The following GREB1L variants were observed in gnomAD, a reference collection of about 807,000 sequenced individuals.
GREB1L encodes the protein GREB1 like retinoic acid receptor coactivator, also known as GREB1-like protein.
In GREB1L, 17 loss-of-function variants were observed where a neutral mutation model predicts 200.8. The observed-to-expected ratio is 0.08, with a 90% CI of 0.06 to 0.13. The LOEUF is 0.13. Among genes scored for constraint, GREB1L ranks in the 10% least tolerant of loss-of-function variants. GREB1L has a pLI of 1.00. For missense variants in GREB1L, 1,657 were observed against 2,367.7 expected (o/e 0.70, Z 6.23); for synonymous variants, 789 against 893.0 (o/e 0.88, Z 2.08).
intron 27 of GREB1L, among the ~76,000 whole-genome samples, chr18:21,512,999 TACTG>T (rs886822892): frequency 1.3e-5 from 2 of 152,182 alleles, no homozygotes; most frequent in Admixed American, 6.5e-5. Flanking sequence ...TTTGGCTGAT[TACTG>T]ACTATCATCT....
At chr18:21,291,092 C>G (rs922753980) in intron 1 of GREB1L, among the ~76,000 whole-genome samples, 1 of 152,122 alleles carries the variant, frequency 6.6e-6, no homozygotes, top group Non-Finnish European at 1.5e-5. Flanking sequence ...GGCCAATATT[C>G]TATCATGTTC....
In GREB1L at chr18:21,444,240, C is replaced by A; in HGVS notation, c.1224C>A (p.Pro408=). 1 of 1,551,040 alleles carries A rather than the reference C, an allele frequency of 6.4e-7. No individual in the cohort carries two copies. Among genetic ancestry groups the A allele is most frequent in the South Asian group, 1.2e-5 (1 of 84,002 alleles). ...PVILIGYGTL[P]YFYGNVGDIV... is the part of the protein sequence containing the mutation. Reference sequence around the variant, plus strand: ...TTGGGACAGGCTATGGCACTTTACCCTATTTCTATGGAAATGTTGGTGACA... The same window carrying A: ...TTGGGACAGGCTATGGCACTTTACCATATTTCTATGGAAATGTTGGTGACA... The change falls in exon 11 of 33, where the codon CCC becomes CCA. Residue 408 remains proline (P), a synonymous_variant. Transcript: ENST00000424526.
intron 7 of GREB1L, among the ~76,000 whole-genome samples, chr18:21,434,527 G>GTGTATATATATA: frequency 7.2e-6 from 1 of 138,772 alleles, no homozygotes; most frequent in South Asian, 2.3e-4. Flanking sequence ...GTGTGTGTGT[G>GTGTATATATATA]TGTGTATATA....
chr18:21,476,112 A>G (rs1282896231), intron 16 of GREB1L, among the ~76,000 whole-genome samples: 1 of 151,852 alleles, frequency 6.6e-6, no homozygotes, highest in South Asian at 2.1e-4. Context: ...GGGGTGGCAA[A>G]TAGTCATCGT....
intron 15 of GREB1L, among the ~76,000 whole-genome samples, chr18:21,457,213 T>C (rs766047802): frequency 1.3e-5 from 2 of 152,118 alleles, no homozygotes; most frequent in Non-Finnish European, 2.9e-5. Flanking sequence ...TAAAGTGTTT[T>C]AAGATTATCA....
At chr18:21,396,923 A>G (rs908836971) in intron 5 of GREB1L, among the ~76,000 whole-genome samples, 19 of 152,222 alleles carry the variant, frequency 1.2e-4, no homozygotes, top group Admixed American at 4.6e-4. Context: ...TTGTCTTACT[A>G]TAGATGAAAT....
At chr18:21,372,552 G>T (rs1763098633) in intron 2 of GREB1L, among the ~76,000 whole-genome samples, 1 of 152,046 alleles carries the variant, frequency 6.6e-6, no homozygotes. Context: ...TTTATGTGTG[G>T]CTCAGAACAA....
chr18:21,423,319 C>CT (rs1211944823), intron 7 of GREB1L, among the ~76,000 whole-genome samples: 4 of 152,134 alleles, frequency 2.6e-5, no homozygotes, highest in African/African-American at 4.8e-5. Flanking sequence ...CCTATAAACT[C>CT]TAAGTTCATA....
intron 14 of GREB1L, 183 bp downstream of exon 14, chr18:21,452,400 C>CT: frequency 1.8e-6 from 1 of 564,024 alleles, no homozygotes; most frequent in East Asian, 3.1e-5. Flanking sequence ...GGATCAAAGG[C>CT]TTTGTTCCTA....
intron 15 of GREB1L, among the ~76,000 whole-genome samples, chr18:21,470,910 G>A (rs370384991): frequency 6.6e-6 from 1 of 151,978 alleles, no homozygotes; most frequent in Non-Finnish European, 1.5e-5. Context: ...AAAAATAAAA[G>A]CAAGTCTATA....
rs1046606592 is a variant in GREB1L, at chr18:21,525,769, A to G, written c.*2948A>G. ...ATGCTGTTATTGTAGTATGAATTAT[A>G]TCTTCTTAAAAAATTTTACCAACTT... On this transcript the variant is annotated 3_prime_UTR_variant, in exon 33 of 33. Coordinates refer to ENST00000424526, the MANE Select transcript of GREB1L (RefSeq NM_001142966.3). Among the ~76,000 whole-genome samples the G allele has an allele frequency of 6.6e-6, 1 of 152,222 alleles. No homozygotes were observed. Among genetic ancestry groups the G allele is most frequent in the Non-Finnish European group, 1.5e-5 (1 of 68,030 alleles).
At chr18:21,321,803 A>G (rs2038956097) in intron 1 of GREB1L, among the ~76,000 whole-genome samples, 1 of 152,364 alleles carries the variant, frequency 6.6e-6, no homozygotes, top group African/African-American at 2.4e-5. Flanking sequence ...CGTTATCTCC[A>G]TAGATGTCAA....
intron 1 of GREB1L, among the ~76,000 whole-genome samples, chr18:21,260,806 G>A (rs923978422): frequency 1.3e-5 from 2 of 151,896 alleles, no homozygotes; most frequent in African/African-American, 4.8e-5. Context: ...CTGCCATTGT[G>A]TGTGTTTCAT....
At chr18:21,411,256 G>A (rs2030968073) in intron 7 of GREB1L, among the ~76,000 whole-genome samples, 1 of 151,824 alleles carries the variant, frequency 6.6e-6, no homozygotes, top group Non-Finnish European at 1.5e-5. Flanking sequence ...GCCCAGGCTG[G>A]AGTGCAGTGG....
chr18:21,388,268 T>G (rs192901656), intron 4 of GREB1L, among the ~76,000 whole-genome samples: 17 of 152,296 alleles, frequency 1.1e-4, no homozygotes, highest in African/African-American at 4.1e-4. Flanking sequence ...ATTTTATTTT[T>G]GAAGAACAGC....
intron 2 of GREB1L, among the ~76,000 whole-genome samples, chr18:21,372,218 G>A (rs1441548959): frequency 1.3e-4 from 19 of 149,270 alleles, no homozygotes; most frequent in Admixed American, 1.2e-3. Context: ...GCATGATCTC[G>A]GCTCACTGCA....
chr18:21,483,968 T>G (rs1404434927), intron 17 of GREB1L, among the ~76,000 whole-genome samples: 1 of 127,614 alleles, frequency 7.8e-6, no homozygotes, highest in Non-Finnish European at 1.6e-5. Context: ...AGAGTGAGAC[T>G]CCTCAAAAAA....
In GREB1L at chr18:21,490,262, A is replaced by C. The variant is rs761904397; in HGVS notation, c.2941A>C (p.Lys981Gln). 1 of 1,551,794 alleles carries C rather than the reference A, an allele frequency of 6.4e-7. No individual in the cohort carries two copies. Among genetic ancestry groups the C allele is most frequent in the Non-Finnish European group, 8.7e-7 (1 of 1,147,028 alleles). Residue 981 changes from lysine to glutamine, a missense_variant, in exon 19 of 33, where the codon AAA (lysine) becomes CAA (glutamine). By Grantham distance (53) the Lys-to-Gln change is moderately conservative (BLOSUM62 1). This residue lies in a region of GREB1L where 512 missense variants were observed against 668.3 expected (regional missense o/e 0.77). Coordinates refer to ENST00000424526, the MANE Select transcript of GREB1L (RefSeq NM_001142966.3). ...AKERLQEVRD[K>Q]LGLQYRFEII... ...GGAGCGGCTACAGGAGGTGCGCGAC[A>C]AACTGGGTCTGCAGTATCGGTTTGA...
chr18:21,498,993 A>G (rs553360682), intron 21 of GREB1L, among the ~76,000 whole-genome samples: 8 of 152,320 alleles, frequency 5.3e-5, no homozygotes, highest in African/African-American at 1.7e-4. Flanking sequence ...TTAGGAGGAC[A>G]AACACACTTG....
Sources: gnomAD v4.1 joint callset for allele counts (sites outside exome capture counted in the v4.1 genomes callset) on GRCh38, gnomAD v4.1.1 for gene constraint, gnomAD v4.1.1 regional missense constraint, MANE v1.5 for transcripts, NCBI Gene and HGNC (gene_info 2026-07-23, HGNC 2026-07-21) for gene names.